FGD4: variants seen among roughly 807,000 people sequenced by gnomAD.
FGD4 encodes the protein FYVE, RhoGEF and PH domain-containing protein 4.
In FGD4, 42 loss-of-function variants were observed where a neutral mutation model predicts 102.0. The observed-to-expected ratio is 0.41, with a 90% CI of 0.32 to 0.53. The LOEUF (loss-of-function observed/expected upper bound fraction) is 0.53, where lower values mean the gene tolerates loss of function less well. Among genes scored for constraint, FGD4 ranks in the 20% least tolerant of loss-of-function variants. The probability of loss-of-function intolerance (pLI) is 0.21; values close to 1 mark genes in which losing one functional copy is unlikely to be tolerated. For missense variants in FGD4, 902 were observed against 1,078.2 expected (o/e 0.84, Z 2.29); for synonymous variants, 380 against 375.7 (o/e 1.01, Z -0.13).
chr12:32,564,679 C>T (rs541466236), intron 2 of FGD4, among the ~76,000 whole-genome samples: 68 of 152,236 alleles, frequency 4.5e-4, no homozygotes, highest in African/African-American at 1.6e-3. Flanking sequence ...AACAGCACTT[C>T]GTGTACTTAT....
intron 1 of FGD4, among the ~76,000 whole-genome samples, chr12:32,527,228 TAG>T (rs1441186519): frequency 6.6e-6 from 1 of 152,194 alleles, no homozygotes; most frequent in Non-Finnish European, 1.5e-5. Flanking sequence ...TGAATTATGA[TAG>T]AGTTAAACTG....
chr12:32,481,969 T>C (rs1224000623), intron 1 of FGD4, among the ~76,000 whole-genome samples: 2 of 152,202 alleles, frequency 1.3e-5, no homozygotes, highest in Non-Finnish European at 2.9e-5. Flanking sequence ...AATTGGGCAG[T>C]CTGCTTTAAA....
At chr12:32,467,619 G>A (rs1054080718) in intron 1 of FGD4, among the ~76,000 whole-genome samples, 2 of 152,178 alleles carry the variant, frequency 1.3e-5, no homozygotes, top group Non-Finnish European at 2.9e-5. Context: ...AGTCAGTGTA[G>A]GACAGTGTTT....
chr12:32,402,338 T>C (rs1940710899), intron 1 of FGD4, among the ~76,000 whole-genome samples: 1 of 151,368 alleles, frequency 6.6e-6, no homozygotes, highest in Non-Finnish European at 1.5e-5. Flanking sequence ...GTGGAGGCTG[T>C]AGTGAGCCAT....
At chr12:32,634,816 C>T (rs780214124) in intron 15 of FGD4, among the ~76,000 whole-genome samples, 3 of 152,088 alleles carry the variant, frequency 2.0e-5, no homozygotes, top group Non-Finnish European at 4.4e-5. Flanking sequence ...GGTGAAACCC[C>T]ATCTCAGCTA....
intron 1 of FGD4, among the ~76,000 whole-genome samples, chr12:32,485,568 G>A (rs1399897622): frequency 1.3e-5 from 2 of 150,714 alleles, no homozygotes; most frequent in African/African-American, 4.9e-5. Flanking sequence ...AGCCTCCCGA[G>A]CAGCTGGGAC....
intron 1 of FGD4, among the ~76,000 whole-genome samples, chr12:32,490,989 C>A (rs191678617): frequency 2.5e-4 from 38 of 152,266 alleles, no homozygotes; most frequent in African/African-American, 9.1e-4. Context: ...GCTGTCTTTT[C>A]ATTCAGTCTA....
intron 1 of FGD4, among the ~76,000 whole-genome samples, chr12:32,460,417 A>G (rs1459167593): frequency 6.6e-6 from 1 of 151,692 alleles, no homozygotes; most frequent in Non-Finnish European, 1.5e-5. Context: ...TGGGAGGCTG[A>G]TGCTTGAGGT....
rs551939796 is a variant in FGD4 at position 32,557,700 on chromosome 12, G to A, written c.167-6437G>A. Among the ~76,000 whole-genome samples, 405 of 152,264 alleles carry A rather than the reference G, an allele frequency of 2.7e-3. 1 individual carries two copies. Among genetic ancestry groups the A allele is most frequent in the African/African-American group, 9.4e-3 (392 of 41,534 alleles). Reference sequence around the variant, plus strand: ...TTCAGGTTTAGAAGTTTGGGGAGCTGTTTGAAATAACACTCAAATAAATTT... The same window carrying A: ...TTCAGGTTTAGAAGTTTGGGGAGCTATTTGAAATAACACTCAAATAAATTT... On this transcript the variant is annotated intron_variant, in intron 1 of 16. Coordinates refer to ENST00000534526, the MANE Select transcript of FGD4 (RefSeq NM_001370298.3).
intron 1 of FGD4, among the ~76,000 whole-genome samples, chr12:32,490,506 A>G (rs1944051602): frequency 6.7e-6 from 1 of 149,866 alleles, no homozygotes; most frequent in African/African-American, 2.5e-5. Context: ...AAGCGATTAT[A>G]TCCTGCCTCA....
intron 1 of FGD4, among the ~76,000 whole-genome samples, chr12:32,495,029 T>C (rs752855732): frequency 6.6e-6 from 1 of 152,208 alleles, no homozygotes. Flanking sequence ...GTCAATTGTT[T>C]GTCATTCTGT....
At chr12:32,400,912 T>C (rs1366800500) in intron 1 of FGD4, among the ~76,000 whole-genome samples, 1 of 152,192 alleles carries the variant, frequency 6.6e-6, no homozygotes, top group Non-Finnish European at 1.5e-5. Flanking sequence ...GGTTCTGAAC[T>C]TGTAGTAGGC....
intron 1 of FGD4, among the ~76,000 whole-genome samples, chr12:32,454,884 G>A (rs1308380540): frequency 6.6e-6 from 1 of 152,036 alleles, no homozygotes; most frequent in African/African-American, 2.4e-5. Context: ...TCCTTTCTGG[G>A]TGAAGTGACA....
At chr12:32,490,695 ACTTATTAGT>A (rs1445576173) in intron 1 of FGD4, among the ~76,000 whole-genome samples, 1 of 151,968 alleles carries the variant, frequency 6.6e-6, no homozygotes, top group Admixed American at 6.6e-5. Context: ...CCGCGCCTAG[ACTTATTAGT>A]CTTTTTTAAT....
Position 32,601,430 on chromosome 12 carries a change from G to A in FGD4, c.1247+7G>A, listed in dbSNP as rs928329202. 2 of 1,610,858 alleles carry A rather than the reference G, an allele frequency of 1.2e-6. No homozygotes were observed. The highest frequency in any genetic ancestry group is 8.5e-7 in the Non-Finnish European group (1 of 1,178,050). ...AGAAACGAATGCAAGAATGGTAAGAGGAGTAGATAGAAAATGATATGTTTA... is the reference window on the plus strand; with the variant it reads ...AGAAACGAATGCAAGAATGGTAAGAAGAGTAGATAGAAAATGATATGTTTA... On this transcript the variant is annotated splice_region_variant and intron_variant, in intron 6 of 16. Coordinates refer to ENST00000534526, the MANE Select transcript of FGD4 (RefSeq NM_001370298.3).
At chr12:32,503,952 C>T (rs1938452899) in intron 1 of FGD4, among the ~76,000 whole-genome samples, 1 of 110,894 alleles carries the variant, frequency 9.0e-6, no homozygotes, top group Non-Finnish European at 1.9e-5. Flanking sequence ...TGTAGTTACC[C>T]AGAGCATTGG....
intron 1 of FGD4, among the ~76,000 whole-genome samples, chr12:32,494,842 C>T (rs565355667): frequency 7.9e-4 from 121 of 152,312 alleles, no homozygotes; most frequent in African/African-American, 2.8e-3. Context: ...AGTGCTTGGT[C>T]TGACAGATGT....
intron 1 of FGD4, among the ~76,000 whole-genome samples, chr12:32,498,297 C>T (rs1937947839): frequency 6.6e-6 from 1 of 152,046 alleles, no homozygotes; most frequent in Non-Finnish European, 1.5e-5. Context: ...TAGACAGTTC[C>T]CTTTTAAAAA....
chr12:32,436,635 C>T (rs937371308), intron 1 of FGD4, among the ~76,000 whole-genome samples: 5 of 152,154 alleles, frequency 3.3e-5, no homozygotes, highest in Non-Finnish European at 7.3e-5. Flanking sequence ...AAGCTTTTTC[C>T]CTATCCCTTT....
Sources: gnomAD v4.1 joint callset for allele counts (sites outside exome capture counted in the v4.1 genomes callset) on GRCh38, gnomAD v4.1.1 for gene constraint, MANE v1.5 for transcripts, NCBI Gene and HGNC (gene_info 2026-07-23, HGNC 2026-07-21) for gene names.